The following VAV1 variants were observed in gnomAD, a reference collection of about 807,000 sequenced individuals.
The protein encoded by VAV1 is vav guanine nucleotide exchange factor 1, also known as proto-oncogene vav.
A neutral mutation model predicts 128.1 loss-of-function variants in VAV1; 33 were observed. The observed-to-expected ratio is 0.26, with a 90% CI of 0.20 to 0.34. The LOEUF (loss-of-function observed/expected upper bound fraction) is 0.34. Among genes scored for constraint, VAV1 ranks in the 10% least tolerant of loss-of-function variants. The pLI, the probability that VAV1 is intolerant of heterozygous loss-of-function variation, is 1.00. For missense variants in VAV1, 715 were observed against 1,093.7 expected (o/e 0.65, Z 4.88); for synonymous variants, 394 against 409.8 (o/e 0.96, Z 0.47).
chr19:6,792,568 G>C (rs1388861831), intron 1 of VAV1, among the ~76,000 whole-genome samples: 1 of 151,794 alleles, frequency 6.6e-6, no homozygotes, highest in Non-Finnish European at 1.5e-5. Flanking sequence ...TCTTTTTTCT[G>C]TTTTGTTTTG....
intron 1 of VAV1, among the ~76,000 whole-genome samples, chr19:6,800,792 T>TTTTTTTTGTG (rs1555699757): frequency 0.012 from 1,721 of 147,688 alleles, 38 homozygotes; most frequent in African/African-American, 0.04. Flanking sequence ...TGGCAAATTT[T>TTTTTTTTGTG]TGTGTGTGTG....
intron 15 of VAV1, among the ~76,000 whole-genome samples, chr19:6,832,519 C>G (rs1314469844): frequency 9.4e-6 from 1 of 106,204 alleles, no homozygotes; most frequent in Non-Finnish European, 2.2e-5. Flanking sequence ...TCCTCCTCCT[C>G]TTTCCTCCTC....
intron 1 of VAV1, among the ~76,000 whole-genome samples, chr19:6,780,066 A>G (rs865833601): frequency 1.1e-4 from 8 of 72,240 alleles, no homozygotes; most frequent in African/African-American, 4.8e-4. Context: ...AGCCGAGATC[A>G]GGCCACTGCA....
chr19:6,824,999 T>TGGAG, intron 6 of VAV1, 54 bp from the exon 7 acceptor site: 1 of 1,568,594 alleles, frequency 6.4e-7, no homozygotes, highest in Non-Finnish European at 8.8e-7. Context: ...TCTCTGAGAC[T>TGGAG]GGTCTGGAGG....
chr19:6,850,822 G>A lies in VAV1; in HGVS notation c.2217+65G>A, dbSNP rs201339418. On this transcript the variant is annotated intron_variant, in intron 24 of 26. Transcript: ENST00000602142. ...CTAGGAGGACCCTCCCTGCACCTCC[G>A]CCTTGGGACCCCCTTTTCCCACATT... 1.2e-4 allele frequency: 190 copies of A among 1,541,616 alleles called. 2 individuals carry two copies. The East Asian group carries it at 2.7e-3, about 22-fold the overall frequency.
chr19:6,856,445 G>T (rs1972803305), intron 26 of VAV1, among the ~76,000 whole-genome samples: 1 of 152,126 alleles, frequency 6.6e-6, no homozygotes, highest in African/African-American at 2.4e-5. Flanking sequence ...AAGGGGTCCA[G>T]GCACGGTGGC....
chr19:6,815,165 T>A (rs74176208), intron 1 of VAV1, among the ~76,000 whole-genome samples: 1 of 152,002 alleles, frequency 6.6e-6, no homozygotes, highest in Admixed American at 6.6e-5. Context: ...TTATTTATTT[T>A]GAGACAGGGT....
At chr19:6,827,961 A>T in intron 9 of VAV1, 115 bp from the exon 10 acceptor site, 1 of 835,864 alleles carries the variant, frequency 1.2e-6, no homozygotes, top group Non-Finnish European at 1.9e-6. Context: ...AAAAATTCCC[A>T]CAGCTCTGGG....
At chr19:6,852,584 A>G (rs1207682158) in intron 24 of VAV1, among the ~76,000 whole-genome samples, 7 of 151,104 alleles carry the variant, frequency 4.6e-5, no homozygotes, top group African/African-American at 4.9e-5. Context: ...AGCTGGGCGT[A>G]GTGGCGGGCG....
chr19:6,812,899 A>G (rs1971543522), intron 1 of VAV1, among the ~76,000 whole-genome samples: 1 of 152,166 alleles, frequency 6.6e-6, no homozygotes, highest in African/African-American at 2.4e-5. Context: ...TGATGATATT[A>G]CTATCATAAT....
At chr19:6,855,987 A>G (rs961399792) in intron 26 of VAV1, among the ~76,000 whole-genome samples, 1 of 152,188 alleles carries the variant, frequency 6.6e-6, no homozygotes, top group African/African-American at 2.4e-5. Context: ...ATTCAGTGAC[A>G]AATAATACAG....
At chr19:6,789,334 G>A (rs1164794068) in intron 1 of VAV1, among the ~76,000 whole-genome samples, 1 of 151,064 alleles carries the variant, frequency 6.6e-6, no homozygotes, top group Non-Finnish European at 1.5e-5. Context: ...CTCACTGCAA[G>A]CTCCACCTCC....
chr19:6,820,268 C>T lies in VAV1; in HGVS notation c.205-434C>T, dbSNP rs1971751448. Among the ~76,000 whole-genome samples the T allele has an allele frequency of 6.6e-6, 1 of 152,098 alleles. No individual in the cohort carries two copies. Among genetic ancestry groups the T allele is most frequent in the South Asian group, 2.1e-4 (1 of 4,826 alleles). ...TTTGTTTGTTTGAGACAGGGTCTTGCTTTGTTGCCCAGGCTGGAGTGCAGT... is the reference window on the plus strand; with the variant it reads ...TTTGTTTGTTTGAGACAGGGTCTTGTTTTGTTGCCCAGGCTGGAGTGCAGT... On this transcript the variant is annotated intron_variant, in intron 1 of 26. Transcript: ENST00000602142. This position sits in a 1 kb window ranked among gnomAD's most constrained non-coding sequence, Gnocchi z 4.4.
At chr19:6,821,549 CT>C (rs1971783321) in intron 2 of VAV1, 72 bp from the exon 3 acceptor site, 1 of 1,583,402 alleles carries the variant, frequency 6.3e-7, no homozygotes, top group East Asian at 2.2e-5. Flanking sequence ...CAGACAGAGC[CT>C]TGCAGCTGGA....
chr19:6,850,876 A>C, intron 24 of VAV1, 119 bp downstream of exon 24: 2 of 843,574 alleles, frequency 2.4e-6, no homozygotes, highest in Non-Finnish European at 1.9e-6. Flanking sequence ...GTGGCACTAC[A>C]GTGCAAGTGA....
Position 6,822,619 on chromosome 19 carries a change from TC to T in VAV1, c.654+108del. 1.0e-6 allele frequency: 1 copy of T among 957,218 alleles called. No individual in the cohort carries two copies. The highest frequency in any genetic ancestry group is 1.5e-6 in the Non-Finnish European group (1 of 652,896). The allele number at this position is 957,218 out of a possible 1,614,324, so 59.3% of individuals were successfully genotyped here. On this transcript the variant is annotated intron_variant, in intron 6 of 26. Transcript: ENST00000602142. The surrounding 1 kb of genome is among the most constrained non-coding windows in gnomAD (Gnocchi z 5.9). Reference sequence around the variant, plus strand: ...CTCTGGGCAGCTGAGGATTTCCTGCTCCCATCGCTTTTCCTTTCTGTGACTG... The same window carrying T: ...CTCTGGGCAGCTGAGGATTTCCTGCTCCATCGCTTTTCCTTTCTGTGACTG...
At chr19:6,847,423 G>C (rs1231972967) in intron 22 of VAV1, among the ~76,000 whole-genome samples, 2 of 152,126 alleles carry the variant, frequency 1.3e-5, no homozygotes, top group Non-Finnish European at 2.9e-5. Context: ...GGCCGTTTGT[G>C]CCTGGCTTCT....
At chr19:6,844,050 TCTTCTTCTTCTTC>T (rs1972448235) in intron 22 of VAV1, among the ~76,000 whole-genome samples, 2 of 141,792 alleles carry the variant, frequency 1.4e-5, no homozygotes, top group African/African-American at 5.3e-5. Context: ...TTTCTTCTTT[TCTTCTTCTTCTTC>T]TTTTTTTTTT....
intron 1 of VAV1, among the ~76,000 whole-genome samples, chr19:6,795,253 T>G (rs1971106391): frequency 6.6e-6 from 1 of 151,844 alleles, no homozygotes. Context: ...GCCTGGGAAA[T>G]GTAGTTGTCT....
Sources: gnomAD v4.1 joint callset for allele counts (sites outside exome capture counted in the v4.1 genomes callset) on GRCh38, gnomAD v4.1.1 for gene constraint, Gnocchi (gnomAD v3.1) non-coding constraint, MANE v1.5 for transcripts, NCBI Gene and HGNC (gene_info 2026-07-23, HGNC 2026-07-21) for gene names.